The following KSR2 variants were observed in gnomAD, a reference collection of about 807,000 sequenced individuals.
The protein encoded by KSR2 is kinase suppressor of ras 2.
KSR2 carries 25 observed loss-of-function variants against 107.8 expected under a neutral mutation model. The ratio of observed to expected loss-of-function variants is 0.23; its 90% CI spans 0.17 to 0.32. KSR2 has a LOEUF of 0.32. KSR2 is among the 10% of genes least tolerant of loss of function. The probability of loss-of-function intolerance (pLI) is 1.00; values close to 1 mark genes in which losing one functional copy is unlikely to be tolerated. For missense variants in KSR2, 887 were observed against 1,268.9 expected (o/e 0.70, Z 4.57); for synonymous variants, 480 against 507.0 (o/e 0.95, Z 0.71).
intron 17 of KSR2, among the ~76,000 whole-genome samples, chr12:117,475,387 A>G (rs1221659132): frequency 2.7e-5 from 4 of 149,790 alleles, no homozygotes; most frequent in African/African-American, 9.8e-5. Context: ...TCCTCCCCCA[A>G]CCCTTCTATA....
At position 117,454,723 on chromosome 12, in the gene KSR2, C is replaced by T. The variant is rs1246604229; in HGVS notation, c.*12476G>A. On this transcript the variant is annotated 3_prime_UTR_variant, in exon 20 of 20. Coordinates refer to ENST00000339824, the MANE Select transcript of KSR2 (RefSeq NM_173598.6). ...GTCCTTGACCTCAACACTTCAGGGGCCTATTCATAGAGTGATATGAACTGT... is the reference window on the plus strand; with the variant it reads ...GTCCTTGACCTCAACACTTCAGGGGTCTATTCATAGAGTGATATGAACTGT... 2 of 152,154 alleles carry T rather than the reference C, an allele frequency of 1.3e-5. No homozygotes were observed. The highest frequency in any genetic ancestry group is 2.9e-5 in the Non-Finnish European group (2 of 68,048). The allele number at this position is 152,154 out of a possible 1,614,324, so 9.4% of individuals were successfully genotyped here.
chr12:117,630,422 G>A (rs1882749983), intron 5 of KSR2, among the ~76,000 whole-genome samples: 1 of 152,142 alleles, frequency 6.6e-6, no homozygotes, highest in African/African-American at 2.4e-5. Flanking sequence ...TAAAGGAAGA[G>A]GGGTTGGAAG....
chr12:117,619,905 T>C (rs1030739203), intron 5 of KSR2, among the ~76,000 whole-genome samples: 1 of 151,968 alleles, frequency 6.6e-6, no homozygotes, highest in Non-Finnish European at 1.5e-5. Context: ...CTAGAACATG[T>C]CCATCTCCCC....
chr12:117,482,885 G>A (rs923140192), intron 16 of KSR2, among the ~76,000 whole-genome samples: 9 of 152,186 alleles, frequency 5.9e-5, no homozygotes, highest in African/African-American at 1.9e-4. Context: ...AACTCTTACT[G>A]GGCCTCCTTT....
chr12:117,957,223 T>A (rs546205766), intron 1 of KSR2, among the ~76,000 whole-genome samples: 1 of 152,156 alleles, frequency 6.6e-6, no homozygotes, highest in Non-Finnish European at 1.5e-5. Context: ...TCTGTTCCTG[T>A]GTCTGCGGCT....
chr12:117,826,393 C>A (rs991173004), intron 3 of KSR2, among the ~76,000 whole-genome samples: 1 of 151,944 alleles, frequency 6.6e-6, no homozygotes. Context: ...TGGGGGTTGA[C>A]GTTAGCTGTT....
chr12:117,605,522 A>G (rs1881178474), intron 5 of KSR2, among the ~76,000 whole-genome samples: 1 of 151,996 alleles, frequency 6.6e-6, no homozygotes, highest in Non-Finnish European at 1.5e-5. Flanking sequence ...TGCATTAGCT[A>G]TTTTTCCTAA....
At chr12:117,567,023 G>A (rs564161067) in intron 7 of KSR2, among the ~76,000 whole-genome samples, 3 of 152,332 alleles carry the variant, frequency 2.0e-5, no homozygotes, top group South Asian at 4.1e-4. Flanking sequence ...TTTACCATGT[G>A]TGCCAAGCAC....
At chr12:117,767,185 G>T (rs1164450023) in intron 3 of KSR2, among the ~76,000 whole-genome samples, 1 of 151,350 alleles carries the variant, frequency 6.6e-6, no homozygotes, top group Admixed American at 6.6e-5. Flanking sequence ...AGGCCGAGAT[G>T]GGCGGATCAC....
intron 1 of KSR2, among the ~76,000 whole-genome samples, chr12:117,955,489 T>A (rs1896485138): frequency 6.6e-6 from 1 of 152,114 alleles, no homozygotes; most frequent in African/African-American, 2.4e-5. Flanking sequence ...CTTAGCTAGT[T>A]AAGTCCTGAA....
At chr12:117,827,344 T>G (rs12814988) in intron 3 of KSR2, among the ~76,000 whole-genome samples, 37,860 of 152,070 alleles carry the variant, frequency 0.25, 5,316 homozygotes, top group Middle Eastern at 0.37. Flanking sequence ...CTCCACCTGG[T>G]AAACATGTCC....
At chr12:117,844,482 ATTT>A (rs11299760) in intron 3 of KSR2, among the ~76,000 whole-genome samples, 1 of 72,546 alleles carries the variant, frequency 1.4e-5, no homozygotes, top group East Asian at 3.6e-4. Context: ...TCTTCTGAGT[ATTT>A]TTTTTTTTTT....
chr12:117,574,298 A>C (rs986720667), intron 7 of KSR2, among the ~76,000 whole-genome samples: 1 of 152,132 alleles, frequency 6.6e-6, no homozygotes, highest in Non-Finnish European at 1.5e-5. Context: ...AGAAATTTGG[A>C]GATCACCTAG....
intron 1 of KSR2, among the ~76,000 whole-genome samples, chr12:117,950,925 A>T (rs576946138): frequency 7.1e-4 from 108 of 151,428 alleles, no homozygotes; most frequent in African/African-American, 2.5e-3. Context: ...TTATTTATTT[A>T]TTTTTTGAGA....
At chr12:117,812,264 A>G (rs1047961088) in intron 3 of KSR2, among the ~76,000 whole-genome samples, 1 of 152,164 alleles carries the variant, frequency 6.6e-6, no homozygotes, top group African/African-American at 2.4e-5. Flanking sequence ...AAATAAAAGA[A>G]CTTAAAATGT....
intron 3 of KSR2, among the ~76,000 whole-genome samples, chr12:117,806,909 T>G (rs1249262166): frequency 6.6e-6 from 1 of 152,224 alleles, no homozygotes; most frequent in African/African-American, 2.4e-5. Context: ...ATTCACCTGC[T>G]GTACAGGCTG....
chr12:117,498,573 G>C (rs1873181170), intron 14 of KSR2, among the ~76,000 whole-genome samples: 1 of 152,146 alleles, frequency 6.6e-6, no homozygotes, highest in Non-Finnish European at 1.5e-5. Context: ...TGTGTCCCCT[G>C]TAGCTCGGGA....
intron 3 of KSR2, among the ~76,000 whole-genome samples, chr12:117,785,552 T>G (rs1174401809): frequency 1.3e-5 from 2 of 151,956 alleles, no homozygotes; most frequent in African/African-American, 4.8e-5. Context: ...TAACCACTCT[T>G]GAAATGAAAA....
chr12:117,968,014 G>A (rs895794268), intron 1 of KSR2, 62 bp downstream of exon 1: 4 of 1,402,764 alleles, frequency 2.9e-6, no homozygotes, highest in Non-Finnish European at 3.9e-6. Flanking sequence ...AGAAAGGAGG[G>A]GGAAAGAAGG....
Sources: gnomAD v4.1 joint callset for allele counts (sites outside exome capture counted in the v4.1 genomes callset) on GRCh38, gnomAD v4.1.1 for gene constraint, MANE v1.5 for transcripts, NCBI Gene and HGNC (gene_info 2026-07-23, HGNC 2026-07-21) for gene names.